FHIP2A: variants seen among roughly 807,000 people sequenced by gnomAD.
The protein encoded by FHIP2A is family with sequence similarity 160 member B1.
A neutral mutation model predicts 93.5 loss-of-function variants in FHIP2A; 46 were observed. The observed-to-expected ratio is 0.49, with a 90% CI of 0.39 to 0.63. The LOEUF (loss-of-function observed/expected upper bound fraction) is 0.63. Among genes scored for constraint, FHIP2A ranks in the 20% least tolerant of loss-of-function variants. The pLI is 0.00. For missense variants in FHIP2A, 769 were observed against 909.7 expected, an observed-to-expected ratio of 0.85 and a Z score of 1.99; for synonymous variants, 332 against 326.5, an observed-to-expected ratio of 1.02 and a Z score of -0.18.
intron 16 of FHIP2A, among the ~76,000 whole-genome samples, chr10:114,873,296 A>G (rs1048124327): frequency 1.3e-5 from 2 of 152,138 alleles, no homozygotes; most frequent in African/African-American, 4.8e-5. Flanking sequence ...TCATGATTAG[A>G]CTGGGATTGT....
downstream of FHIP2A, among the ~76,000 whole-genome samples, chr10:114,865,751 C>G (rs892848524): frequency 1.3e-5 from 2 of 151,456 alleles, no homozygotes; most frequent in Admixed American, 1.3e-4. Context: ...TAACATAAAA[C>G]TGTAAAAGTT....
At chr10:114,882,701 C>T (rs1277027087) in intron 16 of FHIP2A, among the ~76,000 whole-genome samples, 2 of 151,982 alleles carry the variant, frequency 1.3e-5, no homozygotes, top group African/African-American at 4.8e-5. Context: ...GGTGAAACCC[C>T]GTCTCTACTA....
intron 16 of FHIP2A, among the ~76,000 whole-genome samples, chr10:114,896,750 G>C (rs1464640343): frequency 6.6e-6 from 1 of 152,174 alleles, no homozygotes; most frequent in Non-Finnish European, 1.5e-5. Flanking sequence ...AAACCAAGCT[G>C]TGCCCTGACC....
chr10:114,893,097 A>C (rs2083983754), intron 16 of FHIP2A, among the ~76,000 whole-genome samples: 1 of 152,196 alleles, frequency 6.6e-6, no homozygotes, highest in Non-Finnish European at 1.5e-5. Flanking sequence ...CCATCTGTTG[A>C]TTCACCAATC....
chr10:114,835,763 C>A, intron 4 of FHIP2A, 122 bp downstream of exon 4: 1 of 622,678 alleles, frequency 1.6e-6, no homozygotes, highest in Non-Finnish European at 2.6e-6. Flanking sequence ...TGCAAGTTAG[C>A]AAATACTTGA....
At chr10:114,848,787 G>C in intron 13 of FHIP2A, 50 bp downstream of exon 13, 1 of 1,176,796 alleles carries the variant, frequency 8.5e-7, no homozygotes, top group South Asian at 1.2e-5. Context: ...ATAGACACAT[G>C]CACACCCCTT....
chr10:114,860,383 G>A (rs1258401779), intron 14 of FHIP2A, among the ~76,000 whole-genome samples: 2 of 152,016 alleles, frequency 1.3e-5, no homozygotes, highest in African/African-American at 2.4e-5. Flanking sequence ...ACAGAGTTTC[G>A]CTCTTGTTGC....
intron 1 of FHIP2A, among the ~76,000 whole-genome samples, chr10:114,827,483 AG>A (rs1235052826): frequency 6.6e-6 from 1 of 152,184 alleles, no homozygotes; most frequent in Non-Finnish European, 1.5e-5. Flanking sequence ...GATAAAAGAG[AG>A]CAAGCCAGCT....
chr10:114,877,879 T>G (rs201246696), intron 16 of FHIP2A, among the ~76,000 whole-genome samples: 1 of 40,080 alleles, frequency 2.5e-5, no homozygotes, highest in Non-Finnish European at 5.7e-5. Flanking sequence ...GTGTGAATTA[T>G]TTTTATCAGA....
chr10:114,842,534 C>T (rs915663901), intron 5 of FHIP2A, among the ~76,000 whole-genome samples: 2 of 152,066 alleles, frequency 1.3e-5, no homozygotes, highest in South Asian at 2.1e-4. Context: ...AAACCACCCC[C>T]CCCACCCTAT....
chr10:114,859,110 G>A (rs1235878806), intron 14 of FHIP2A, among the ~76,000 whole-genome samples: 2 of 151,530 alleles, frequency 1.3e-5, no homozygotes, highest in African/African-American at 2.4e-5. Flanking sequence ...CAATTACCTT[G>A]CTTACAGCTA....
At chr10:114,892,633 G>A (rs1363590857) in intron 16 of FHIP2A, among the ~76,000 whole-genome samples, 1 of 151,982 alleles carries the variant, frequency 6.6e-6, no homozygotes, top group African/African-American at 2.4e-5. Flanking sequence ...GCGAGATTCT[G>A]TCTCAAAATA....
intron 7 of FHIP2A, 67 bp from the exon 8 acceptor site, chr10:114,845,300 A>G (rs953678823): frequency 3.2e-5 from 28 of 867,594 alleles, no homozygotes; most frequent in Non-Finnish European, 5.0e-5. Context: ...TCATTTTTCC[A>G]TACATTCTGA....
intron 16 of FHIP2A, among the ~76,000 whole-genome samples, chr10:114,890,555 G>A (rs931123767): frequency 6.8e-5 from 10 of 145,992 alleles, no homozygotes; most frequent in Admixed American, 2.8e-4. Flanking sequence ...TTAAATATAC[G>A]CTATATATGA....
intron 16 of FHIP2A, among the ~76,000 whole-genome samples, chr10:114,872,458 A>C (rs2083864559): frequency 6.6e-6 from 1 of 152,168 alleles, no homozygotes; most frequent in Non-Finnish European, 1.5e-5. Context: ...CCTGTGACTA[A>C]AAAAATTACA....
chr10:114,822,123 G>T lies in FHIP2A; in HGVS notation c.45G>T (p.Ala15=), dbSNP rs750438296. The change falls in exon 1 of 17, where the codon GCG becomes GCT. Residue 15 remains alanine, a splice_region_variant and synonymous_variant. Transcript: ENST00000369248. ...CCATCCTGCAGCACGCCGTGGAGGCGGTAAGGCCGCGGGCTGCGGGCGCAC... is the reference window on the plus strand; with the variant it reads ...CCATCCTGCAGCACGCCGTGGAGGCTGTAAGGCCGCGGGCTGCGGGCGCAC... ...FTSILQHAVE[A]LAPSLPLQED... 7.5e-7 allele frequency: 1 copy of T among 1,331,574 alleles called. No individual in the cohort carries two copies. Among genetic ancestry groups the T allele is most frequent in the Non-Finnish European group, 9.8e-7 (1 of 1,019,150 alleles). The allele number at this position is 1,331,574 out of a possible 1,614,324, so 82.5% of individuals were successfully genotyped here. A position where few individuals can be genotyped will look rare whatever the true frequency, so the allele number is the denominator to read the frequency against.
chr10:114,823,520 A>G (rs896292039), intron 1 of FHIP2A, among the ~76,000 whole-genome samples: 1 of 151,920 alleles, frequency 6.6e-6, no homozygotes, highest in African/African-American at 2.4e-5. Flanking sequence ...TTTGAGACCG[A>G]ATCTCATTCT....
chr10:114,828,048 A>T (rs1353631041), intron 1 of FHIP2A, among the ~76,000 whole-genome samples: 1 of 152,044 alleles, frequency 6.6e-6, no homozygotes, highest in African/African-American at 2.4e-5. Flanking sequence ...TTATGCAGTG[A>T]TAAAACAGGT....
chr10:114,898,152 T>C (rs2084009871), intron 16 of FHIP2A, among the ~76,000 whole-genome samples: 1 of 152,208 alleles, frequency 6.6e-6, no homozygotes, highest in Non-Finnish European at 1.5e-5. Context: ...TGATCGCTTT[T>C]CAGTTCTCTT....
Sources: allele counts gnomAD v4.1 joint callset (sites outside exome capture counted in the v4.1 genomes callset), GRCh38; gene constraint gnomAD v4.1.1; transcripts MANE v1.5; gene names NCBI Gene and HGNC (gene_info 2026-07-23, HGNC 2026-07-21).